The following TMC5 variants were observed in gnomAD, a reference collection of about 807,000 sequenced individuals.
TMC5 encodes the protein transmembrane channel-like protein 5.
A neutral mutation model predicts 110.5 loss-of-function variants in TMC5; 86 were observed. The ratio of observed to expected loss-of-function variants is 0.78; its 90% CI spans 0.65 to 0.93. The LOEUF (loss-of-function observed/expected upper bound fraction) is 0.93, where lower values mean the gene tolerates loss of function less well. Ranked by LOEUF, TMC5 falls within the 40% of genes least tolerant of loss-of-function variation. The probability of loss-of-function intolerance (pLI) is 0.00; values close to 1 mark genes in which losing one functional copy is unlikely to be tolerated. For synonymous variants in TMC5, 455 were observed against 439.5 expected, an observed-to-expected ratio of 1.04 and a Z score of -0.44; for missense variants, 1,144 against 1,222.8, an observed-to-expected ratio of 0.94 and a Z score of 0.96.
chr16:19,498,307 A>C lies in TMC5; in HGVS notation c.*341A>C. ...GTGCAGGAATGATTGGTTCTTAGAA[A>C]TCTCTCCTGCCAGACTTCCCAGACC... On this transcript the variant is annotated 3_prime_UTR_variant, in exon 22 of 22. Transcript: ENST00000542583. 1 of 241,500 alleles carries C rather than the reference A, an allele frequency of 4.1e-6. No homozygotes were observed. The highest frequency in any genetic ancestry group is 8.0e-6 in the Non-Finnish European group (1 of 124,886). The allele number at this position is 241,500 out of a possible 1,614,324, so 15.0% of individuals were successfully genotyped here.
chr16:19,427,815 C>G lies in TMC5; in HGVS notation c.-307-2598C>G, dbSNP rs1010397458. On this transcript the variant is annotated intron_variant, in intron 1 of 21. Transcript: ENST00000542583. ...GTGCTCTCAGAGGCAAAGTCGCCCCCACTTGAGAACCACTGCTCTAGATCC... is the reference window on the plus strand; with the variant it reads ...GTGCTCTCAGAGGCAAAGTCGCCCCGACTTGAGAACCACTGCTCTAGATCC... Among the ~76,000 whole-genome samples the G allele has an allele frequency of 2.6e-5, 4 of 151,526 alleles. No individual in the cohort carries two copies. The Middle Eastern group carries it at 0.01, about 387-fold the overall frequency.
At chr16:19,444,053 G>C (rs1167825030) in intron 3 of TMC5, 28 bp from the exon 4 acceptor site, 1 of 1,606,882 alleles carries the variant, frequency 6.2e-7, no homozygotes, top group South Asian at 1.1e-5. Context: ...CTCTTGGTTG[G>C]ATAGTGATCC....
chr16:19,424,399 C>T (rs1483764389), intron 1 of TMC5, among the ~76,000 whole-genome samples: 4 of 152,092 alleles, frequency 2.6e-5, no homozygotes, highest in African/African-American at 9.7e-5. Flanking sequence ...GCCTGTAATC[C>T]CAGCCCTTTG....
intron 2 of TMC5, among the ~76,000 whole-genome samples, chr16:19,434,365 ATAAT>A (rs1967285090): frequency 1.1e-5 from 1 of 94,838 alleles, no homozygotes; most frequent in South Asian, 3.9e-4. Context: ...TATTATATAT[ATAAT>A]ATAGATCTAT....
At chr16:19,493,866 C>T (rs1968981028) in intron 19 of TMC5, among the ~76,000 whole-genome samples, 2 of 138,654 alleles carry the variant, frequency 1.4e-5, no homozygotes, top group South Asian at 2.4e-4. Flanking sequence ...TTCATATTTT[C>T]CATATCCTAC....
intron 1 of TMC5, among the ~76,000 whole-genome samples, chr16:19,424,535 G>C (rs1967051231): frequency 2.0e-5 from 3 of 152,132 alleles, no homozygotes; most frequent in African/African-American, 7.2e-5. Flanking sequence ...TGTAATCCCA[G>C]CTACTAGGGA....
In TMC5 at chr16:19,474,175, T is replaced by C; in HGVS notation, c.1989T>C (p.Val663=). Reference sequence around the variant, plus strand: ...GGGCGGTGCTGTTACTGCCTTTCGTTGTGTCCTGCATTAATCTGGCCGTGC... The same window carrying C: ...GGGCGGTGCTGTTACTGCCTTTCGTCGTGTCCTGCATTAATCTGGCCGTGC... ...NPGAVLLLPF[V]VSCINLAVPC... Residue 663 remains valine (V), a synonymous_variant, in exon 12 of 22, where the codon GTT becomes GTC. Transcript: ENST00000542583. 2 of 1,613,996 alleles carry C rather than the reference T, an allele frequency of 1.2e-6. No individual in the cohort carries two copies. The highest frequency in any genetic ancestry group is 2.2e-5 in the East Asian group (1 of 44,862).
chr16:19,481,379 G>T lies in TMC5; in HGVS notation c.2277G>T (p.Gly759=), dbSNP rs1057074225. 5 of 1,612,944 alleles carry T rather than the reference G, an allele frequency of 3.1e-6. No homozygotes were observed. The highest frequency in any genetic ancestry group is 8.5e-7 in the Non-Finnish European group (1 of 1,178,934). The change falls in exon 15 of 22, where the codon GGG becomes GGT. Residue 759 remains glycine, a synonymous_variant. Transcript: ENST00000542583. ...FLGEFLRRII[G]MQLITSLGLQ... is the part of the protein sequence containing the mutation. ...CAGTATGTTTTCACAGAATCATTGGGATGCAACTGATCACAAGTCTTGGCC... is the reference window on the plus strand; with the variant it reads ...CAGTATGTTTTCACAGAATCATTGGTATGCAACTGATCACAAGTCTTGGCC...
chr16:19,490,755 CTTCCTTCCCTTCCT>C (rs1567327744), intron 18 of TMC5, among the ~76,000 whole-genome samples, 187 bp downstream of exon 18: 1,141 of 54,584 alleles, frequency 0.021, 12 homozygotes, highest in Non-Finnish European at 0.048. Flanking sequence ...TCCTTCCTTC[CTTCCTTCCCTTCCT>C]TTTTTTCTTT....
chr16:19,440,451 C>T lies in TMC5; in HGVS notation c.413C>T (p.Ala138Val), dbSNP rs969004745. 5 of 1,614,006 alleles carry T rather than the reference C, an allele frequency of 3.1e-6. No homozygotes were observed. The African/African-American group carries it at 6.7e-5, about 22-fold the overall frequency. The change falls in exon 3 of 22, where the codon GCA becomes GTA. Residue 138 changes from alanine to valine, a missense_variant. Transcript: ENST00000542583. The part of the protein sequence containing the change: ...YPGSQRNPDF[A>V]GSSSSGNYAG... ...GGATCTCAACGAAATCCTGATTTTG[C>T]AGGCTCCAGCAGCAGTGGAAACTAT...
intron 17 of TMC5, among the ~76,000 whole-genome samples, chr16:19,488,185 C>T (rs1250598638): frequency 6.6e-6 from 1 of 151,970 alleles, no homozygotes; most frequent in Non-Finnish European, 1.5e-5. Context: ...GGCAGCTAGC[C>T]CTGGGAGCTG....
intron 1 of TMC5, among the ~76,000 whole-genome samples, chr16:19,424,948 C>T (rs1285111538): frequency 6.6e-6 from 1 of 152,166 alleles, no homozygotes; most frequent in Non-Finnish European, 1.5e-5. Flanking sequence ...GGTGAGCAGC[C>T]TCCATCCAGG....
chr16:19,425,802 T>A (rs1045927606), intron 1 of TMC5, among the ~76,000 whole-genome samples: 1 of 152,226 alleles, frequency 6.6e-6, no homozygotes, highest in Admixed American at 6.5e-5. Flanking sequence ...TTCTCCCACC[T>A]CAGCCTCCCA....
intron 17 of TMC5, among the ~76,000 whole-genome samples, chr16:19,488,125 T>C (rs1968798687): frequency 6.6e-6 from 1 of 151,974 alleles, no homozygotes; most frequent in African/African-American, 2.4e-5. Flanking sequence ...GGGATCTGGA[T>C]TGGTTGGTTT....
chr16:19,489,458 C>T (rs930924465), intron 17 of TMC5, among the ~76,000 whole-genome samples: 2 of 152,170 alleles, frequency 1.3e-5, no homozygotes, highest in Admixed American at 6.5e-5. Flanking sequence ...CCTCAGCCTC[C>T]TGAGTAGCTG....
intron 8 of TMC5, among the ~76,000 whole-genome samples, chr16:19,465,651 C>G (rs924080650): frequency 1.1e-4 from 17 of 152,186 alleles, no homozygotes; most frequent in Non-Finnish European, 2.4e-4. Context: ...CTGGAATTGT[C>G]TGATGATTTC....
chr16:19,456,823 A>G, intron 5 of TMC5: 1 of 1,614,212 alleles, frequency 6.2e-7, no homozygotes. Context: ...TGCTAGACTC[A>G]AGCATCAACA....
At chr16:19,465,528 C>CA (rs1968165445) in intron 8 of TMC5, among the ~76,000 whole-genome samples, 1 of 151,454 alleles carries the variant, frequency 6.6e-6, no homozygotes, top group South Asian at 2.1e-4. Context: ...GACTCCATCT[C>CA]AAAAAAATAA....
At chr16:19,483,387 G>A (rs1370609689) in intron 15 of TMC5, among the ~76,000 whole-genome samples, 1 of 152,180 alleles carries the variant, frequency 6.6e-6, no homozygotes, top group Non-Finnish European at 1.5e-5. Context: ...TATTGGATTT[G>A]GAACTGGATA....
Sources: allele counts gnomAD v4.1 joint callset (sites outside exome capture counted in the v4.1 genomes callset), GRCh38; gene constraint gnomAD v4.1.1; transcripts MANE v1.5; gene names NCBI Gene and HGNC (gene_info 2026-07-23, HGNC 2026-07-21).